MAMDC2: variants seen among roughly 807,000 people sequenced by gnomAD.
MAMDC2 encodes the protein MAM domain containing 2, also known as MAM domain-containing protein 2.
Under a neutral mutation model 89.8 loss-of-function variants are expected in MAMDC2, and 57 were observed. The ratio of observed to expected loss-of-function variants is 0.63; its 90% CI spans 0.51 to 0.79. The LOEUF is 0.79. Ranked by LOEUF, MAMDC2 falls within the 30% of genes least tolerant of loss-of-function variation. The pLI, the probability that MAMDC2 is intolerant of heterozygous loss-of-function variation, is 0.00. For missense variants in MAMDC2, 800 were observed against 820.6 expected, an observed-to-expected ratio of 0.97 and a Z score of 0.31; for synonymous variants, 313 against 293.4, an observed-to-expected ratio of 1.07 and a Z score of -0.68.
chr9:70,213,791 T>G (rs939688924), intron 11 of MAMDC2, among the ~76,000 whole-genome samples: 2 of 152,230 alleles, frequency 1.3e-5, no homozygotes, highest in African/African-American at 4.8e-5. Context: ...ATACTTCAGA[T>G]AGTGTAGAAC....
chr9:70,139,767 T>C (rs2031142736), intron 7 of MAMDC2, among the ~76,000 whole-genome samples: 1 of 152,172 alleles, frequency 6.6e-6, no homozygotes, highest in African/African-American at 2.4e-5. Flanking sequence ...TTTCTCCACA[T>C]CCTCTCCAGC....
intron 2 of MAMDC2, among the ~76,000 whole-genome samples, chr9:70,080,774 T>A (rs1274523199): frequency 6.6e-6 from 1 of 152,060 alleles, no homozygotes; most frequent in East Asian, 1.9e-4. Flanking sequence ...TATTGCAGAG[T>A]TTCTAAATGG....
At chr9:70,134,594 G>A (rs560731232) in intron 7 of MAMDC2, among the ~76,000 whole-genome samples, 79 of 152,198 alleles carry the variant, frequency 5.2e-4, no homozygotes, top group African/African-American at 1.9e-3. Context: ...TAACACTCAT[G>A]GGAACGCCTC....
chr9:70,051,499 T>C (rs1316689212), intron 2 of MAMDC2, among the ~76,000 whole-genome samples: 5 of 152,216 alleles, frequency 3.3e-5, no homozygotes, highest in Non-Finnish European at 7.3e-5. Context: ...TTTGGTAACT[T>C]GTATCTTGGG....
chr9:70,048,770 T>A (rs950787504), intron 2 of MAMDC2, among the ~76,000 whole-genome samples: 1 of 152,208 alleles, frequency 6.6e-6, no homozygotes, highest in East Asian at 1.9e-4. Flanking sequence ...CAGAGGTCCT[T>A]TGCCCTGAGG....
intron 2 of MAMDC2, among the ~76,000 whole-genome samples, chr9:70,051,231 G>A (rs1383405311): frequency 6.6e-6 from 1 of 152,186 alleles, no homozygotes; most frequent in Non-Finnish European, 1.5e-5. Flanking sequence ...GATGTAAGCT[G>A]TGTCTGGGCA....
chr9:70,219,737 C>T (rs1402260010), intron 12 of MAMDC2, among the ~76,000 whole-genome samples: 1 of 152,084 alleles, frequency 6.6e-6, no homozygotes, highest in Non-Finnish European at 1.5e-5. Flanking sequence ...CAGGTAGCTT[C>T]AGGAATAATT....
chr9:70,125,864 A>G (rs968244598), intron 5 of MAMDC2, among the ~76,000 whole-genome samples: 1 of 152,146 alleles, frequency 6.6e-6, no homozygotes, highest in African/African-American at 2.4e-5. Context: ...CACTTGACAG[A>G]TGACACATCT....
At chr9:70,080,628 G>C (rs1352920029) in intron 2 of MAMDC2, among the ~76,000 whole-genome samples, 1 of 152,206 alleles carries the variant, frequency 6.6e-6, no homozygotes, top group Middle Eastern at 3.2e-3. Flanking sequence ...GTGTATTTGG[G>C]AGTATTGTTT....
chr9:70,136,302 T>C (rs2050906018), intron 7 of MAMDC2, among the ~76,000 whole-genome samples: 1 of 152,202 alleles, frequency 6.6e-6, no homozygotes, highest in South Asian at 2.1e-4. Context: ...ATGTAGCCTT[T>C]TCAGACTGGC....
At chr9:70,141,301 G>A (rs1468668991) in intron 8 of MAMDC2, among the ~76,000 whole-genome samples, 1 of 152,124 alleles carries the variant, frequency 6.6e-6, no homozygotes, top group African/African-American at 2.4e-5. Context: ...CTGATGAAAC[G>A]GGGAACTGTT....
At chr9:70,064,770 C>T (rs73650513) in intron 2 of MAMDC2, among the ~76,000 whole-genome samples, 1 of 152,134 alleles carries the variant, frequency 6.6e-6, no homozygotes, top group Admixed American at 6.5e-5. Context: ...TGAGCAGAAC[C>T]CTCTAGTTGT....
chr9:70,110,765 G>A (rs1029454790), intron 4 of MAMDC2, among the ~76,000 whole-genome samples: 18 of 152,172 alleles, frequency 1.2e-4, no homozygotes, highest in African/African-American at 2.7e-4. Context: ...CAAAGAAAAT[G>A]CATAGCAGGT....
chr9:70,092,238 C>T (rs1827918211), intron 2 of MAMDC2: 1 of 152,156 alleles, frequency 6.6e-6, no homozygotes, highest in Admixed American at 6.6e-5. Flanking sequence ...TCTGGCTTGA[C>T]TATTAGAATC....
chr9:70,177,558 G>A (rs781189096), intron 11 of MAMDC2, among the ~76,000 whole-genome samples: 7 of 152,152 alleles, frequency 4.6e-5, no homozygotes, highest in Non-Finnish European at 1.0e-4. Flanking sequence ...CATTTACCAC[G>A]TGTAGGCACT....
chr9:70,123,509 T>G (rs1489947138), intron 5 of MAMDC2, among the ~76,000 whole-genome samples: 1 of 152,168 alleles, frequency 6.6e-6, no homozygotes, highest in Non-Finnish European at 1.5e-5. Flanking sequence ...GCAGATATGT[T>G]TATTTGGCGC....
intron 12 of MAMDC2, among the ~76,000 whole-genome samples, chr9:70,225,331 A>C (rs1343670309): frequency 1.3e-5 from 2 of 152,122 alleles, no homozygotes; most frequent in African/African-American, 2.4e-5. Context: ...ACCTCGTAGC[A>C]GTATCAAAGG....
intron 9 of MAMDC2, among the ~76,000 whole-genome samples, chr9:70,150,621 AGTTTCAG>A (rs1223638610): frequency 3.3e-5 from 5 of 152,172 alleles, no homozygotes; most frequent in Admixed American, 6.5e-5. Context: ...AAGAAACTGA[AGTTTCAG>A]GAAATTTAAA....
intron 2 of MAMDC2, among the ~76,000 whole-genome samples, chr9:70,096,174 T>A (rs904828352): frequency 1.3e-5 from 2 of 151,990 alleles, no homozygotes; most frequent in Non-Finnish European, 2.9e-5. Flanking sequence ...ACAGGTGCCA[T>A]GCCTGGCTAA....
Sources: gnomAD v4.1 joint callset for allele counts (sites outside exome capture counted in the v4.1 genomes callset) on GRCh38, gnomAD v4.1.1 for gene constraint, MANE v1.5 for transcripts, NCBI Gene and HGNC (gene_info 2026-07-23, HGNC 2026-07-21) for gene names.